Variants in LCOR observed in about 807,000 individuals in gnomAD.
LCOR encodes the protein ligand-dependent corepressor.
Under a neutral mutation model 64.4 loss-of-function variants are expected in LCOR, and 14 were observed. The observed-to-expected ratio is 0.22, with a 90% confidence interval of 0.14 to 0.34. The LOEUF (loss-of-function observed/expected upper bound fraction) is 0.34, where lower values mean the gene tolerates loss of function less well. Among genes scored for constraint, LCOR ranks in the 10% least tolerant of loss-of-function variants. The probability of loss-of-function intolerance (pLI) is 1.00; values close to 1 mark genes in which losing one functional copy is unlikely to be tolerated. For synonymous variants in LCOR, 643 were observed against 642.5 expected (o/e 1.00, Z -0.01); for missense variants, 1,686 against 1,765.3 (o/e 0.96, Z 0.80).
intron 4 of LCOR, among the ~76,000 whole-genome samples, chr10:96,917,731 A>G: frequency 6.6e-6 from 1 of 152,216 alleles, no homozygotes; most frequent in East Asian, 1.9e-4. Flanking sequence ...ATGGCTGTGA[A>G]GATGCATAAG....
chr10:96,855,327 T>C (rs1168919300), intron 2 of LCOR, among the ~76,000 whole-genome samples: 2 of 150,690 alleles, frequency 1.3e-5, no homozygotes, highest in Non-Finnish European at 2.9e-5. Context: ...CTAAAAAAAC[T>C]TACTCGAGCC....
In LCOR at chr10:96,982,428, G is replaced by C. The variant is rs1176054282; in HGVS notation, c.1968G>C (p.Leu656=). Residue 656 remains leucine, a synonymous_variant, in exon 8 of 8, where the codon CTG becomes CTC. Transcript: ENST00000421806. ...AACACAACCAACCACCAGTTGCACT[G>C]TTGGATACGGAGGAGATGAGTGTAC... ...SPEHNQPPVA[L]LDTEEMSVPQ... The C allele has an allele frequency of 6.2e-7, 1 of 1,614,060 alleles. No homozygotes were observed. The highest frequency in any genetic ancestry group is 1.1e-5 in the South Asian group (1 of 91,082).
Position 96,847,105 on chromosome 10 carries a change from C to T in LCOR, c.-330+13626C>T, listed in dbSNP as rs560261768. On this transcript the variant is annotated intron_variant, in intron 2 of 7. Transcript: ENST00000421806. Reference sequence around the variant, plus strand: ...AAAAAATACAAAAATTAGTCACATGCGGTATTGCGAGCCTGTTGGTCCCAG... The same window carrying T: ...AAAAAATACAAAAATTAGTCACATGTGGTATTGCGAGCCTGTTGGTCCCAG... Among the ~76,000 whole-genome samples, 326 of 151,962 alleles carry T rather than the reference C, an allele frequency of 2.1e-3. 2 individuals are homozygous for T. The highest frequency in any genetic ancestry group is 7.4e-3 in the African/African-American group (305 of 41,466).
At chr10:96,977,662 AGTTT>A (rs144809803) in intron 7 of LCOR, among the ~76,000 whole-genome samples, 8,211 of 151,884 alleles carry the variant, frequency 0.054, 732 homozygotes, top group African/African-American at 0.19. Flanking sequence ...TTGATCTCCA[AGTTT>A]GTTTGTTTGT....
chr10:96,911,680 A>G (rs964798940), intron 4 of LCOR, among the ~76,000 whole-genome samples: 6 of 152,172 alleles, frequency 3.9e-5, no homozygotes, highest in African/African-American at 1.2e-4. Context: ...GAAATGACCA[A>G]TTCTAGCTAT....
intron 2 of LCOR, among the ~76,000 whole-genome samples, chr10:96,886,444 G>C (rs1197409654): frequency 6.6e-6 from 1 of 152,100 alleles, no homozygotes; most frequent in African/African-American, 2.4e-5. Context: ...GAGTATTTTG[G>C]ATTTCAGATT....
intron 4 of LCOR, among the ~76,000 whole-genome samples, chr10:96,911,722 C>T (rs938340179): frequency 1.3e-5 from 2 of 152,200 alleles, no homozygotes; most frequent in African/African-American, 2.4e-5. Context: ...GACTGACTGA[C>T]TGCCTGACTG....
intron 7 of LCOR, among the ~76,000 whole-genome samples, chr10:96,965,716 C>CT: frequency 6.8e-6 from 1 of 147,438 alleles, no homozygotes; most frequent in South Asian, 2.2e-4. Flanking sequence ...TGCCTTTGGT[C>CT]TGATGTTTAT....
intron 2 of LCOR, among the ~76,000 whole-genome samples, chr10:96,853,053 T>C (rs1845746498): frequency 6.6e-6 from 1 of 152,180 alleles, no homozygotes; most frequent in Admixed American, 6.5e-5. Flanking sequence ...TTGTCACCTT[T>C]TGTGTTTTTT....
intron 7 of LCOR, chr10:96,956,122 A>G (rs1589681762): frequency 2.1e-6 from 3 of 1,395,974 alleles, no homozygotes; most frequent in Non-Finnish European, 2.8e-6. Context: ...TATGGCTCGG[A>G]ATATGTTTGG....
At chr10:96,863,440 G>C (rs747294991) in intron 2 of LCOR, among the ~76,000 whole-genome samples, 1 of 152,118 alleles carries the variant, frequency 6.6e-6, no homozygotes, top group Non-Finnish European at 1.5e-5. Flanking sequence ...CTGACCTCAA[G>C]TGATCTACCC....
chr10:96,920,662 GTA>G (rs1464255613), intron 4 of LCOR, among the ~76,000 whole-genome samples: 1 of 128,500 alleles, frequency 7.8e-6, no homozygotes, highest in Admixed American at 7.6e-5. Flanking sequence ...GTGTATATAT[GTA>G]TATATGTATA....
At chr10:96,906,064 G>T (rs1188098443) in intron 2 of LCOR, among the ~76,000 whole-genome samples, 1 of 152,046 alleles carries the variant, frequency 6.6e-6, no homozygotes, top group Non-Finnish European at 1.5e-5. Context: ...TACATGTGAG[G>T]GGGCCTTATG....
At chr10:96,954,161 G>A (rs909140006) in intron 7 of LCOR, among the ~76,000 whole-genome samples, 2 of 152,108 alleles carry the variant, frequency 1.3e-5, no homozygotes, top group African/African-American at 4.8e-5. Context: ...AACTTAAGGG[G>A]TAAATAAAGA....
intron 2 of LCOR, among the ~76,000 whole-genome samples, chr10:96,850,494 A>T (rs1298790107): frequency 1.3e-5 from 2 of 152,080 alleles, no homozygotes; most frequent in East Asian, 3.8e-4. Flanking sequence ...ATTATTTTTT[A>T]TTTATTTATT....
intron 6 of LCOR, among the ~76,000 whole-genome samples, chr10:96,951,038 G>A (rs182824439): frequency 3.6e-4 from 54 of 152,012 alleles, no homozygotes; most frequent in African/African-American, 4.8e-4. Context: ...TCTAACAGCC[G>A]GAAATAAAAT....
chr10:96,866,929 G>A (rs1295627620), intron 2 of LCOR, among the ~76,000 whole-genome samples: 1 of 152,028 alleles, frequency 6.6e-6, no homozygotes, highest in Admixed American at 6.6e-5. Context: ...CACCAACAAT[G>A]TATGAGAGAT....
intron 4 of LCOR, among the ~76,000 whole-genome samples, chr10:96,939,347 T>G (rs1452365693): frequency 6.6e-6 from 1 of 152,180 alleles, no homozygotes; most frequent in African/African-American, 2.4e-5. Context: ...ATACACAAAA[T>G]TAACTTGACA....
chr10:96,954,550 G>A (rs1479151147), intron 7 of LCOR, among the ~76,000 whole-genome samples: 1 of 152,088 alleles, frequency 6.6e-6, no homozygotes, highest in African/African-American at 2.4e-5. Flanking sequence ...TTTTATTACT[G>A]TACTTGTTTA....
Sources: gnomAD v4.1 joint callset for allele counts (sites outside exome capture counted in the v4.1 genomes callset) on GRCh38, gnomAD v4.1.1 for gene constraint, MANE v1.5 for transcripts, NCBI Gene and HGNC (gene_info 2026-07-23, HGNC 2026-07-21) for gene names.